Variants in TMEM178B observed in about 807,000 individuals in gnomAD.
TMEM178B encodes transmembrane protein 178B.
TMEM178B carries 5 observed loss-of-function variants against 31.0 expected under a neutral mutation model. The ratio of observed to expected loss-of-function variants is 0.16; its 90% CI spans 0.08 to 0.34. The LOEUF is 0.34. Among genes scored for constraint, TMEM178B ranks in the 10% least tolerant of loss-of-function variants. TMEM178B has a pLI of 1.00. For missense variants in TMEM178B, 275 were observed against 400.3 expected (o/e 0.69, Z 2.67); for synonymous variants, 164 against 164.0 (o/e 1.00, Z 0.00).
At chr7:141,316,118 A>G (rs1186610598) in intron 2 of TMEM178B, among the ~76,000 whole-genome samples, 3 of 152,148 alleles carry the variant, frequency 2.0e-5, no homozygotes, top group Non-Finnish European at 4.4e-5. Flanking sequence ...AGGAAGTAGC[A>G]ATACTGCACA....
intron 2 of TMEM178B, among the ~76,000 whole-genome samples, chr7:141,325,326 A>G (rs1799170948): frequency 6.6e-6 from 1 of 152,162 alleles, no homozygotes; most frequent in South Asian, 2.1e-4. Flanking sequence ...AAGCCCCCAG[A>G]TTATAAAAGC....
At chr7:141,366,981 T>G (rs899202953) in intron 2 of TMEM178B, among the ~76,000 whole-genome samples, 3 of 151,880 alleles carry the variant, frequency 2.0e-5, no homozygotes, top group Non-Finnish European at 4.4e-5. Flanking sequence ...GTGGAGGGTC[T>G]GGGTGGTGGA....
Position 141,423,214 on chromosome 7 carries a change from G to C in TMEM178B, c.497-14394G>C, listed in dbSNP as rs149611902. ...GGCTAATTTTTGTATTTTTAGTAGA[G>C]ACAGGGTTTCTCCATGTTGGCCAGG... On this transcript the variant is annotated intron_variant, in intron 2 of 3. Transcript: ENST00000565468. Among the ~76,000 whole-genome samples, 226 of 152,176 alleles carry C rather than the reference G, an allele frequency of 1.5e-3. 1 individual carries two copies. The highest frequency in any genetic ancestry group is 5.2e-3 in the African/African-American group (216 of 41,522).
intron 2 of TMEM178B, among the ~76,000 whole-genome samples, chr7:141,290,607 A>G (rs969415391): frequency 2.6e-5 from 4 of 152,186 alleles, no homozygotes; most frequent in Non-Finnish European, 5.9e-5. Context: ...ATGCACACAC[A>G]CGCGCGTGCT....
chr7:141,094,530 T>G (rs1488370086), intron 1 of TMEM178B, among the ~76,000 whole-genome samples: 1 of 152,166 alleles, frequency 6.6e-6, no homozygotes, highest in Non-Finnish European at 1.5e-5. Flanking sequence ...TGGCTGGTGA[T>G]TGGTTGGACA....
chr7:141,118,913 G>A (rs941439297), intron 1 of TMEM178B, among the ~76,000 whole-genome samples: 5 of 152,164 alleles, frequency 3.3e-5, no homozygotes, highest in African/African-American at 1.2e-4. Flanking sequence ...AAAAACAGAT[G>A]TGCTAATTAT....
chr7:141,407,869 C>G (rs911465511), intron 2 of TMEM178B, among the ~76,000 whole-genome samples: 3 of 152,162 alleles, frequency 2.0e-5, no homozygotes, highest in Non-Finnish European at 2.9e-5. Flanking sequence ...GATGGCCCAG[C>G]CTGTCTCATT....
At chr7:141,374,968 A>G (rs1036088383) in intron 2 of TMEM178B, among the ~76,000 whole-genome samples, 1 of 152,144 alleles carries the variant, frequency 6.6e-6, no homozygotes, top group African/African-American at 2.4e-5. Flanking sequence ...CTTAAGATAT[A>G]TGTCCCCATG....
chr7:141,451,510 G>C (rs574781798), intron 3 of TMEM178B, among the ~76,000 whole-genome samples: 1 of 152,242 alleles, frequency 6.6e-6, no homozygotes, highest in African/African-American at 2.4e-5. Flanking sequence ...TGAAGCCAGG[G>C]CTTTTAATTA....
At chr7:141,330,725 A>G (rs1586895830) in intron 2 of TMEM178B, among the ~76,000 whole-genome samples, 1 of 152,216 alleles carries the variant, frequency 6.6e-6, no homozygotes, top group East Asian at 1.9e-4. Flanking sequence ...AGGCTTTGCA[A>G]AGAAGAATGA....
intron 2 of TMEM178B, among the ~76,000 whole-genome samples, chr7:141,396,210 C>G (rs941185224): frequency 6.6e-6 from 1 of 151,886 alleles, no homozygotes; most frequent in African/African-American, 2.4e-5. Context: ...GCACGCCTCA[C>G]CTGTTGGGCA....
chr7:141,245,304 G>T (rs1797711256), intron 2 of TMEM178B, among the ~76,000 whole-genome samples: 1 of 150,890 alleles, frequency 6.6e-6, no homozygotes, highest in Non-Finnish European at 1.5e-5. Flanking sequence ...CTGCCTCCTG[G>T]GAAAGGGAGG....
intron 2 of TMEM178B, among the ~76,000 whole-genome samples, chr7:141,272,410 A>G (rs745585493): frequency 4.2e-4 from 64 of 152,242 alleles, no homozygotes; most frequent in Non-Finnish European, 7.5e-4. Context: ...ATCTGGTTCT[A>G]AAACAAGGAA....
intron 2 of TMEM178B, among the ~76,000 whole-genome samples, chr7:141,421,039 A>C (rs574185410): frequency 1.9e-3 from 294 of 152,292 alleles, no homozygotes; most frequent in African/African-American, 6.7e-3. Flanking sequence ...GCTAGAGGCT[A>C]TCTCCCGTTC....
chr7:141,441,958 A>G (rs932636417), intron 3 of TMEM178B, among the ~76,000 whole-genome samples: 2 of 152,170 alleles, frequency 1.3e-5, no homozygotes, highest in Non-Finnish European at 2.9e-5. Context: ...GGCAAGTGGG[A>G]TCCAGTTTTC....
intron 2 of TMEM178B, among the ~76,000 whole-genome samples, chr7:141,324,435 T>TG (rs1563151697): frequency 8.1e-6 from 1 of 122,830 alleles, no homozygotes; most frequent in Non-Finnish European, 1.8e-5. Flanking sequence ...TTTTTTTTTT[T>TG]TTTTTTTTTT....
At chr7:141,301,922 A>G (rs1458358802) in intron 2 of TMEM178B, among the ~76,000 whole-genome samples, 2 of 152,208 alleles carry the variant, frequency 1.3e-5, no homozygotes, top group Non-Finnish European at 2.9e-5. Context: ...GACAGCATCC[A>G]TTGTTCAGAC....
At chr7:141,180,205 G>T (rs1796498092) in intron 1 of TMEM178B, among the ~76,000 whole-genome samples, 1 of 152,118 alleles carries the variant, frequency 6.6e-6, no homozygotes. Context: ...CACAGGCCAG[G>T]CGTGGTGGCT....
chr7:141,109,823 T>G (rs1315653630), intron 1 of TMEM178B, among the ~76,000 whole-genome samples: 1 of 152,092 alleles, frequency 6.6e-6, no homozygotes, highest in Non-Finnish European at 1.5e-5. Flanking sequence ...TGCCTGTAAT[T>G]CCAGTGCTTT....
Sources: gnomAD v4.1 joint callset for allele counts (sites outside exome capture counted in the v4.1 genomes callset) on GRCh38, gnomAD v4.1.1 for gene constraint, MANE v1.5 for transcripts, NCBI Gene and HGNC (gene_info 2026-07-23, HGNC 2026-07-21) for gene names.